The following SERGEF variants were observed in gnomAD, a reference collection of about 807,000 sequenced individuals.
SERGEF encodes secretion regulating guanine nucleotide exchange factor.
Under a neutral mutation model 50.0 loss-of-function variants are expected in SERGEF, and 51 were observed. That is an observed-to-expected ratio of 1.02 (90% CI 0.81 to 1.29). The LOEUF (loss-of-function observed/expected upper bound fraction) is 1.29, where lower values mean the gene tolerates loss of function less well. Ranked by LOEUF, SERGEF falls within the 50% of genes most tolerant of loss-of-function variation. SERGEF has a pLI of 0.00. For missense variants in SERGEF, 521 were observed against 557.0 expected, an observed-to-expected ratio of 0.94 and a Z score of 0.65; for synonymous variants, 205 against 212.4, an observed-to-expected ratio of 0.97 and a Z score of 0.30.
At chr11:17,859,025 T>C (rs904850449) in intron 10 of SERGEF, among the ~76,000 whole-genome samples, 3 of 152,160 alleles carry the variant, frequency 2.0e-5, no homozygotes, top group Non-Finnish European at 4.4e-5. Flanking sequence ...AGAGGGCCAG[T>C]TGATGCAGGC....
rs200442630 is a variant in SERGEF, at chr11:17,907,163, CA to C, written c.1012-28920del. On this transcript the variant is annotated intron_variant, in intron 9 of 10. Coordinates refer to ENST00000265965, the MANE Select transcript of SERGEF (RefSeq NM_012139.4). ...TCTGTCAAACTGTCAAACTTATGAC[CA>C]AAAAAAAAAAAAAAAAAAATGTACT... Among the ~76,000 whole-genome samples the C allele has an allele frequency of 6.9e-3, 810 of 116,786 alleles. 9 individuals are homozygous for C. Among genetic ancestry groups the C allele is most frequent in the Middle Eastern group, 9.6e-3 (2 of 208 alleles). The allele number at this position is 116,786 out of a possible 152,430, so 76.6% of individuals were successfully genotyped here. A position where few individuals can be genotyped will look rare whatever the true frequency, so the allele number is the denominator to read the frequency against.
intron 10 of SERGEF, among the ~76,000 whole-genome samples, chr11:17,796,908 C>T (rs1849580291): frequency 6.6e-6 from 1 of 152,194 alleles, no homozygotes; most frequent in African/African-American, 2.4e-5. Flanking sequence ...CTAGGGTCCC[C>T]TTCACACCAA....
chr11:17,850,113 G>A lies in SERGEF; in HGVS notation c.1048+28095C>T, dbSNP rs1015545. The stretch of plus-strand genomic sequence containing the variant: ...AGGAGAAGAGAACACATGCGAGAGA[G>A]AGCTTATATTTTTAACAAAGCCACT... On this transcript the variant is annotated intron_variant, in intron 10 of 10. Coordinates refer to ENST00000265965, the MANE Select transcript of SERGEF (RefSeq NM_012139.4). Among the ~76,000 whole-genome samples, 1,761 of 152,172 alleles carry A rather than the reference G, an allele frequency of 0.012. 166 individuals carry two copies. The East Asian group carries it at 0.23, about 20-fold the overall frequency.
intron 9 of SERGEF, among the ~76,000 whole-genome samples, chr11:17,912,492 C>T (rs1851973947): frequency 6.6e-6 from 1 of 152,132 alleles, no homozygotes; most frequent in Non-Finnish European, 1.5e-5. Flanking sequence ...TATATAGGAT[C>T]ATCTGTATCA....
chr11:17,921,590 T>C lies in SERGEF; in HGVS notation c.1011+37880A>G, dbSNP rs181752979. 7.9e-5 allele frequency among the ~76,000 whole-genome samples: 12 copies of C among 152,300 alleles called. No homozygotes were observed. The East Asian group carries it at 2.1e-3, about 27-fold the overall frequency. ...TCTGCTGGGGAAAGGCAAGTAAGCA[T>C]GTAACTCCCACAAAAGGGAATGAGT... On this transcript the variant is annotated intron_variant, in intron 9 of 10. Transcript: ENST00000265965.
chr11:17,877,583 T>C (rs1851261030), intron 10 of SERGEF, among the ~76,000 whole-genome samples: 1 of 152,216 alleles, frequency 6.6e-6, no homozygotes, highest in Non-Finnish European at 1.5e-5. Flanking sequence ...AGTCTGGCCC[T>C]ACACTGCAGT....
At chr11:18,012,292 C>T (rs544817485) in intron 1 of SERGEF, among the ~76,000 whole-genome samples, 1 of 152,216 alleles carries the variant, frequency 6.6e-6, no homozygotes, top group African/African-American at 2.4e-5. Flanking sequence ...TGCTTGTTCC[C>T]GTGCATGCTG....
At chr11:17,926,862 C>T (rs1434974104) in intron 9 of SERGEF, 1 of 456,166 alleles carries the variant, frequency 2.2e-6, no homozygotes, top group Non-Finnish European at 4.4e-6. Flanking sequence ...ATGTAATGGG[C>T]ACACAACAAA....
chr11:17,954,660 C>T lies in SERGEF; in HGVS notation c.1011+4810G>A, dbSNP rs1383320180. ...ATCTCTGGTTTAACTTTTATTTCCA[C>T]ATTTCCTGCTCCTGCTCCAATGGCA... is the stretch of plus-strand genomic sequence containing the variant. On this transcript the variant is annotated intron_variant, in intron 9 of 10. Transcript: ENST00000265965. Among the ~76,000 whole-genome samples, 3 of 152,202 alleles carry T rather than the reference C, an allele frequency of 2.0e-5. No individual in the cohort carries two copies. In the South Asian group the frequency reaches 6.2e-4, roughly 32 times the overall value.
chr11:17,930,474 G>A (rs907745254), intron 9 of SERGEF, among the ~76,000 whole-genome samples: 5 of 152,158 alleles, frequency 3.3e-5, no homozygotes, highest in African/African-American at 9.7e-5. Flanking sequence ...CTAGGCCCAC[G>A]ACTAAGCCTA....
intron 1 of SERGEF, among the ~76,000 whole-genome samples, chr11:18,011,355 AC>A (rs1304847711): frequency 6.6e-6 from 1 of 152,182 alleles, no homozygotes; most frequent in Admixed American, 6.5e-5. Context: ...AAGAAGAGAC[AC>A]CACGGATGCT....
chr11:17,933,418 T>A (rs936246740), intron 9 of SERGEF, among the ~76,000 whole-genome samples: 1 of 152,152 alleles, frequency 6.6e-6, no homozygotes. Flanking sequence ...TGATATGCAT[T>A]GAGTTGGACT....
At chr11:17,872,141 C>G (rs1339265101) in intron 10 of SERGEF, among the ~76,000 whole-genome samples, 1 of 152,124 alleles carries the variant, frequency 6.6e-6, no homozygotes, top group Non-Finnish European at 1.5e-5. Flanking sequence ...CAAAAGAAGC[C>G]AAACACCATC....
At chr11:17,880,780 A>C (rs1036200652) in intron 9 of SERGEF, among the ~76,000 whole-genome samples, 3 of 152,182 alleles carry the variant, frequency 2.0e-5, no homozygotes, top group African/African-American at 7.2e-5. Context: ...GGGGAAAAGG[A>C]TTTGAAGGAA....
Position 17,995,880 on chromosome 11 carries a change from C to T in SERGEF, c.538G>A (p.Gly180Ser). ...ASGIVFQWGTGLASCGRRLCP... is the reference protein window; with the variant it reads ...ASGIVFQWGTSLASCGRRLCP... Reference sequence around the variant, plus strand: ...AACCGTCGTCCACATGATGCCAAACCAGTCCCCCACTGGAACACGATGCCA... The same window carrying T: ...AACCGTCGTCCACATGATGCCAAACTAGTCCCCCACTGGAACACGATGCCA... The change falls in exon 6 of 11, where the codon GGT (glycine) becomes AGT (serine). Residue 180 changes from glycine (G) to serine (S), a missense_variant. Transcript: ENST00000265965. 2 of 1,613,946 alleles carry T rather than the reference C, an allele frequency of 1.2e-6. No homozygotes were observed. The highest frequency in any genetic ancestry group is 1.7e-6 in the Non-Finnish European group (2 of 1,179,882).
intron 10 of SERGEF, chr11:17,854,833 C>G (rs919885190): frequency 6.6e-6 from 1 of 152,230 alleles, no homozygotes; most frequent in Non-Finnish European, 1.5e-5. Flanking sequence ...ATGCTAAGTT[C>G]TGGCAAGGAT....
chr11:17,932,135 G>T (rs781419536), intron 9 of SERGEF, among the ~76,000 whole-genome samples: 3 of 152,126 alleles, frequency 2.0e-5, no homozygotes, highest in African/African-American at 7.2e-5. Flanking sequence ...AAACCTGCAC[G>T]TTGTGCACAT....
intron 9 of SERGEF, among the ~76,000 whole-genome samples, chr11:17,921,875 T>C (rs1852163086): frequency 6.6e-6 from 1 of 152,204 alleles, no homozygotes; most frequent in African/African-American, 2.4e-5. Context: ...CAGATGGTCA[T>C]GAGACCTGCA....
chr11:18,004,351 C>T (rs539389972), intron 4 of SERGEF, 90 bp downstream of exon 4: 3 of 924,098 alleles, frequency 3.2e-6, no homozygotes, highest in Non-Finnish European at 4.9e-6. Context: ...CTCAGGGATC[C>T]TGACAGCCTT....
Sources: gnomAD v4.1 joint callset for allele counts (sites outside exome capture counted in the v4.1 genomes callset) on GRCh38, gnomAD v4.1.1 for gene constraint, MANE v1.5 for transcripts, NCBI Gene and HGNC (gene_info 2026-07-23, HGNC 2026-07-21) for gene names.